Variants in PTPRK observed in about 807,000 individuals in gnomAD.
PTPRK encodes protein tyrosine phosphatase receptor type K.
In PTPRK, 75 loss-of-function variants were observed where a neutral mutation model predicts 178.0. The ratio of observed to expected loss-of-function variants is 0.42; its 90% CI spans 0.35 to 0.51. PTPRK has a LOEUF of 0.51. PTPRK is among the 20% of genes least tolerant of loss of function. The pLI is 0.02. For synonymous variants in PTPRK, 637 were observed against 620.6 expected (o/e 1.03, Z -0.39); for missense variants, 1,441 against 1,797.8 (o/e 0.80, Z 3.59).
At chr6:128,421,450 T>C (rs1269603117) in intron 1 of PTPRK, among the ~76,000 whole-genome samples, 1 of 152,218 alleles carries the variant, frequency 6.6e-6, no homozygotes, top group East Asian at 1.9e-4. Context: ...GGGGAGTTTT[T>C]TTAAAAGTGT....
chr6:128,432,795 C>T, intron 1 of PTPRK, among the ~76,000 whole-genome samples: 1 of 150,904 alleles, frequency 6.6e-6, no homozygotes, highest in East Asian at 1.9e-4. Context: ...GTAGTTTATT[C>T]AATTTTATTT....
At chr6:128,294,888 G>C (rs1319464235) in intron 3 of PTPRK, among the ~76,000 whole-genome samples, 1 of 151,918 alleles carries the variant, frequency 6.6e-6, no homozygotes, top group Admixed American at 6.6e-5. Flanking sequence ...GTAAATATGA[G>C]TAAAGAACAG....
At chr6:128,492,556 G>A (rs972582563) in intron 1 of PTPRK, among the ~76,000 whole-genome samples, 2 of 152,098 alleles carry the variant, frequency 1.3e-5, no homozygotes, top group African/African-American at 2.4e-5. Context: ...GGCCCCAAGA[G>A]AAGCTGTAAC....
chr6:128,508,777 T>C (rs747346837), intron 1 of PTPRK, among the ~76,000 whole-genome samples: 23 of 151,974 alleles, frequency 1.5e-4, no homozygotes, highest in Non-Finnish European at 2.9e-4. Context: ...ATCCCGCCTC[T>C]ACTAAAAACA....
At chr6:128,245,586 T>C (rs551694972) in intron 3 of PTPRK, among the ~76,000 whole-genome samples, 1 of 152,296 alleles carries the variant, frequency 6.6e-6, no homozygotes, top group South Asian at 2.1e-4. Flanking sequence ...TGACAATTGA[T>C]TTTACTGGAA....
At chr6:128,036,802 C>T (rs1206890955) in intron 13 of PTPRK, among the ~76,000 whole-genome samples, 3 of 151,380 alleles carry the variant, frequency 2.0e-5, no homozygotes, top group Middle Eastern at 3.4e-3. Flanking sequence ...ATGGTGCGAT[C>T]TCGGCTGCAA....
At chr6:128,022,689 G>A (rs1773713070) in intron 13 of PTPRK, among the ~76,000 whole-genome samples, 1 of 152,152 alleles carries the variant, frequency 6.6e-6, no homozygotes, top group Non-Finnish European at 1.5e-5. Context: ...GGGGTCCTCA[G>A]TATTTCCTGG....
intron 11 of PTPRK, among the ~76,000 whole-genome samples, chr6:128,075,582 T>A (rs1783660126): frequency 6.6e-6 from 1 of 152,086 alleles, no homozygotes; most frequent in Non-Finnish European, 1.5e-5. Flanking sequence ...CAGTCATTAA[T>A]TTAGGAGTCT....
chr6:128,386,529 C>G (rs1010445478), intron 2 of PTPRK, among the ~76,000 whole-genome samples: 1 of 152,178 alleles, frequency 6.6e-6, no homozygotes, highest in Non-Finnish European at 1.5e-5. Flanking sequence ...AAGTGAAATA[C>G]TCCTAATGGA....
intron 2 of PTPRK, chr6:128,340,751 G>A (rs1222356627): frequency 4.4e-6 from 2 of 458,856 alleles, no homozygotes; most frequent in Admixed American, 2.5e-5. Context: ...GTGGCAAATA[G>A]GTACTTCTTT....
At chr6:128,455,560 A>G (rs1275267048) in intron 1 of PTPRK, among the ~76,000 whole-genome samples, 2 of 152,120 alleles carry the variant, frequency 1.3e-5, no homozygotes, top group Non-Finnish European at 2.9e-5. Flanking sequence ...AAGTGACCTG[A>G]CTCCAGAATC....
chr6:128,024,577 G>A (rs1774000867), intron 13 of PTPRK, among the ~76,000 whole-genome samples: 1 of 152,162 alleles, frequency 6.6e-6, no homozygotes, highest in Non-Finnish European at 1.5e-5. Flanking sequence ...GAGAGGCTGA[G>A]GCAGGCAGAT....
intron 2 of PTPRK, among the ~76,000 whole-genome samples, chr6:128,327,506 T>TC (rs1420931662): frequency 1.3e-5 from 2 of 152,162 alleles, no homozygotes; most frequent in African/African-American, 2.4e-5. Context: ...GACAGACCCC[T>TC]CATTATTTTC....
intron 13 of PTPRK, among the ~76,000 whole-genome samples, chr6:128,034,236 C>T (rs983140921): frequency 6.6e-6 from 1 of 151,842 alleles, no homozygotes; most frequent in African/African-American, 2.4e-5. Context: ...CACCTGTCAC[C>T]ATAGAAAAAG....
At chr6:128,017,665 G>T (rs1779725543) in intron 13 of PTPRK, among the ~76,000 whole-genome samples, 1 of 148,172 alleles carries the variant, frequency 6.7e-6, no homozygotes, top group African/African-American at 2.5e-5. Context: ...CTCTCTTTCT[G>T]CCTGTTGCTC....
intron 6 of PTPRK, among the ~76,000 whole-genome samples, chr6:128,186,027 G>C (rs1802703597): frequency 6.6e-6 from 1 of 151,938 alleles, no homozygotes; most frequent in African/African-American, 2.4e-5. Flanking sequence ...TTAAAATTAG[G>C]AATAAGATTA....
chr6:128,213,761 A>G (rs1394067855), intron 6 of PTPRK, among the ~76,000 whole-genome samples: 1 of 152,094 alleles, frequency 6.6e-6, no homozygotes, highest in African/African-American at 2.4e-5. Flanking sequence ...ACACCAAAAA[A>G]ATTCAGATTT....
intron 15 of PTPRK, chr6:128,003,163 G>A: frequency 6.3e-7 from 1 of 1,575,416 alleles, no homozygotes; most frequent in Non-Finnish European, 8.7e-7. Flanking sequence ...TGTGATCCAT[G>A]CAATGAAAAG....
chr6:128,157,204 C>G (rs2114588016), intron 7 of PTPRK, among the ~76,000 whole-genome samples: 1 of 152,060 alleles, frequency 6.6e-6, no homozygotes, highest in African/African-American at 2.4e-5. Context: ...AATTAATAAG[C>G]TTTCATGTCT....
Sources: gnomAD v4.1 joint callset for allele counts (sites outside exome capture counted in the v4.1 genomes callset) on GRCh38, gnomAD v4.1.1 for gene constraint, MANE v1.5 for transcripts, NCBI Gene and HGNC (gene_info 2026-07-23, HGNC 2026-07-21) for gene names.